RBM45: variants seen among roughly 807,000 people sequenced by gnomAD.
RBM45 encodes RNA-binding protein 45.
RBM45 carries 39 observed loss-of-function variants against 58.5 expected under a neutral mutation model. The ratio of observed to expected loss-of-function variants is 0.67; its 90% CI spans 0.52 to 0.87. The LOEUF (loss-of-function observed/expected upper bound fraction) is 0.87. Among genes scored for constraint, RBM45 ranks in the 40% least tolerant of loss-of-function variants. The pLI is 0.00. For missense variants in RBM45, 481 were observed against 581.6 expected, an observed-to-expected ratio of 0.83 and a Z score of 1.78; for synonymous variants, 193 against 203.0, an observed-to-expected ratio of 0.95 and a Z score of 0.42.
At chr2:178,135,032 G>GC (rs779951559) in intron 3 of RBM45, among the ~76,000 whole-genome samples, 4 of 152,118 alleles carry the variant, frequency 2.6e-5, no homozygotes, top group Non-Finnish European at 5.9e-5. Flanking sequence ...ATAAAACAAA[G>GC]CCTATCCACT....
At chr2:178,118,932 G>A (rs2087813686) in intron 3 of RBM45, among the ~76,000 whole-genome samples, 1 of 152,176 alleles carries the variant, frequency 6.6e-6, no homozygotes, top group Non-Finnish European at 1.5e-5. Flanking sequence ...TTAGCTAGCA[G>A]TAATTGAGTA....
In RBM45 at chr2:178,121,403, T is replaced by C. The variant is rs201987362; in HGVS notation, c.853+44T>C. The C allele has an allele frequency of 2.0e-3, 1,187 of 593,326 alleles. 8 individuals carry two copies. The highest frequency in any genetic ancestry group is 0.013 in the East Asian group (346 of 27,588). 36.8% of individuals were successfully genotyped at this position (593,326 alleles called of 1,614,324 possible). A position where few individuals can be genotyped will look rare whatever the true frequency, so the allele number is the denominator to read the frequency against. On this transcript the variant is annotated intron_variant, in intron 5 of 9. Transcript: ENST00000286070. ...TAAAAAATATATATATATGTATATA[T>C]ACACACACACACACACACACACACA...
At position 178,121,338 on chromosome 2, in the gene RBM45, C is replaced by T. The variant is rs372474810; in HGVS notation, c.832C>T (p.Arg278Ter). 29 of 1,541,978 alleles carry T rather than the reference C, an allele frequency of 1.9e-5. No individual in the cohort carries two copies. Among genetic ancestry groups the T allele is most frequent in the East Asian group, 1.7e-4 (7 of 41,974 alleles). ...AGGATTGGAATATTGTGAAGTTCAA[C>T]GAGATCCTTATTCAAATTATGGTAA... is the stretch of plus-strand genomic sequence containing the variant. The part of the protein sequence containing the change: ...VPGLEYCEVQ[R>*]DPYSNYGHGV... Residue 278 changes from arginine to a stop codon, truncating the protein, a stop_gained, in exon 5 of 10, where the codon CGA becomes TGA. Transcript: ENST00000286070. LOFTEE classifies it high-confidence loss of function.
At chr2:178,113,681 A>G (rs780431997) in intron 1 of RBM45, among the ~76,000 whole-genome samples, 1 of 152,158 alleles carries the variant, frequency 6.6e-6, no homozygotes, top group Non-Finnish European at 1.5e-5. Context: ...TGTCCTTGTT[A>G]TTGATCAGTA....
At chr2:178,130,014 T>A (rs1000119321), downstream of RBM45, among the ~76,000 whole-genome samples, 1 of 152,150 alleles carries the variant, frequency 6.6e-6, no homozygotes, top group African/African-American at 2.4e-5. Context: ...TATACCAAAA[T>A]GTGTTGGTAA....
At chr2:178,123,790 T>A in intron 6 of RBM45, 38 bp from the exon 7 acceptor site, 4 of 1,608,032 alleles carry the variant, frequency 2.5e-6, no homozygotes, top group Non-Finnish European at 3.4e-6. Context: ...AGACTGAATA[T>A]TTTTAGTTTT....
At chr2:178,124,603 C>T (rs1454864757) in intron 8 of RBM45, among the ~76,000 whole-genome samples, 3 of 152,084 alleles carry the variant, frequency 2.0e-5, no homozygotes, top group African/African-American at 7.2e-5. Context: ...CGCTTGAGCT[C>T]AGGAGTTCAA....
chr2:178,126,088 A>C lies in RBM45; in HGVS notation c.1337A>C (p.His446Pro). 1 of 1,613,908 alleles carries C rather than the reference A, an allele frequency of 6.2e-7. No homozygotes were observed. Among genetic ancestry groups the C allele is most frequent in the South Asian group, 1.1e-5 (1 of 91,062 alleles). The change falls in exon 9 of 10, where the codon CAT becomes CCT. Residue 446 changes from histidine (H) to proline (P), a missense_variant. Transcript: ENST00000286070. ...GCTAATGATGCCATTGCCACTCTAC[A>C]TGGAAAGATTCTGAATGGGGTGAGA... ...ISANDAIATL[H>P]GKILNGVRLK... is the part of the protein sequence containing the mutation.
chr2:178,128,310 T>C (rs893852957), intron 9 of RBM45, among the ~76,000 whole-genome samples: 4 of 152,096 alleles, frequency 2.6e-5, no homozygotes, highest in East Asian at 1.9e-4. Context: ...CTCTTTGCCT[T>C]TTTGAGGCCC....
At chr2:178,130,719 C>A (rs1308105591), downstream of RBM45, among the ~76,000 whole-genome samples, 3 of 152,142 alleles carry the variant, frequency 2.0e-5, no homozygotes, top group Non-Finnish European at 4.4e-5. Context: ...GTAATTATCT[C>A]CTCATTATAC....
chr2:178,137,808 TTCTTAGTGAATA>T (rs1276965223), exon 4 of RBM45: 2 of 152,194 alleles, frequency 1.3e-5, no homozygotes, highest in African/African-American at 4.8e-5. Flanking sequence ...AAGTTTTTCT[TTCTTAGTGAATA>T]AAGCAAAAAT....
intron 1 of RBM45, among the ~76,000 whole-genome samples, chr2:178,114,396 C>A (rs1282038225): frequency 2.6e-5 from 4 of 152,114 alleles, no homozygotes; most frequent in African/African-American, 9.7e-5. Context: ...GACCACCTTC[C>A]CCTGATAAAT....
chr2:178,113,582 G>T (rs2087733047), intron 1 of RBM45, among the ~76,000 whole-genome samples: 1 of 152,192 alleles, frequency 6.6e-6, no homozygotes, highest in African/African-American at 2.4e-5. Context: ...TTGTGATAAT[G>T]ACACATGGCA....
chr2:178,124,031 C>CTGGCACATAGCACATGG lies in RBM45; in HGVS notation c.1069-96_1069-95insTGGCACATAGCACATGG. On this transcript the variant is annotated intron_variant, in intron 7 of 9. Coordinates refer to ENST00000286070, the MANE Select transcript of RBM45 (RefSeq NM_152945.4). ...AAATTTTCAGAGCTATTGTGGAAGA[C>CTGGCACATAGCACATGG]CACATAGATGCCATGATACATATCT... 3 of 1,473,884 alleles carry CTGGCACATAGCACATGG rather than the reference C, an allele frequency of 2.0e-6. No homozygotes were observed. In the South Asian group the frequency reaches 3.7e-5, roughly 18 times the overall value. The allele number at this position is 1,473,884 out of a possible 1,614,324, so 91.3% of individuals were successfully genotyped here.
chr2:178,114,864 T>C (rs2087752337), intron 1 of RBM45, among the ~76,000 whole-genome samples: 1 of 152,186 alleles, frequency 6.6e-6, no homozygotes, highest in Non-Finnish European at 1.5e-5. Context: ...CCCATTACAG[T>C]TGTGAGCCAC....
Position 178,112,536 on chromosome 2 carries a change from G to A in RBM45, c.-11G>A. ...AAGAGCAGTGAGGCTCCTGCATTCG[G>A]GTGGAGCACCATGGACGAAGCTGGC... On this transcript the variant is annotated 5_prime_UTR_variant, in exon 1 of 10. Transcript: ENST00000286070. The A allele has an allele frequency of 2.5e-6, 4 of 1,610,410 alleles. No homozygotes were observed. The highest frequency in any genetic ancestry group is 3.4e-6 in the Non-Finnish European group (4 of 1,178,160).
At position 178,112,593 on chromosome 2, in the gene RBM45, G is replaced by C; in HGVS notation, c.47G>C (p.Gly16Ala). 1.2e-6 allele frequency: 2 copies of C among 1,612,694 alleles called. No homozygotes were observed. Among genetic ancestry groups the C allele is most frequent in the Non-Finnish European group, 1.7e-6 (2 of 1,179,722 alleles). ...GCGAGCGGCGGGGGCTTCCGCCCGG[G>C]CGTGGACAGCCTGGACGAACCGCCC... The part of the protein sequence containing the change: ...SSASGGGFRP[G>A]VDSLDEPPNS... The change falls in exon 1 of 10, where the codon GGC becomes GCC. Residue 16 changes from glycine (G) to alanine (A), a missense_variant. Gly to Ala is a moderately conservative substitution (Grantham distance 60, BLOSUM62 0). Transcript: ENST00000286070.
intron 5 of RBM45, 41 bp from the exon 6 acceptor site, chr2:178,123,481 G>C: frequency 2.6e-6 from 4 of 1,527,594 alleles, no homozygotes; most frequent in Non-Finnish European, 3.5e-6. Flanking sequence ...TAGGCACTCA[G>C]TCTGCTTTCC....
At chr2:178,115,021 A>T (rs1314953317) in intron 1 of RBM45, among the ~76,000 whole-genome samples, 1 of 152,098 alleles carries the variant, frequency 6.6e-6, no homozygotes, top group African/African-American at 2.4e-5. Flanking sequence ...GTTTCAGAGG[A>T]TCTGTAAGAC....
Sources: allele counts gnomAD v4.1 joint callset (sites outside exome capture counted in the v4.1 genomes callset), GRCh38; gene constraint gnomAD v4.1.1; transcripts MANE v1.5; gene names NCBI Gene and HGNC (gene_info 2026-07-23, HGNC 2026-07-21).